DPP6: variants seen among roughly 807,000 people sequenced by gnomAD.
The protein encoded by DPP6 is A-type potassium channel modulatory protein DPP6.
In DPP6, 69 loss-of-function variants were observed where a neutral mutation model predicts 122.6. That is an observed-to-expected ratio of 0.56 (90% CI 0.46 to 0.69). The LOEUF (loss-of-function observed/expected upper bound fraction) is 0.69, where lower values mean the gene tolerates loss of function less well. Ranked by LOEUF, DPP6 falls within the 30% of genes least tolerant of loss-of-function variation. DPP6 has a pLI of 0.00. For synonymous variants in DPP6, 418 were observed against 433.1 expected, an observed-to-expected ratio of 0.97 and a Z score of 0.43; for missense variants, 928 against 1,116.9, an observed-to-expected ratio of 0.83 and a Z score of 2.41.
At chr7:153,949,194 T>C (rs1802090411) in intron 1 of DPP6, among the ~76,000 whole-genome samples, 1 of 152,164 alleles carries the variant, frequency 6.6e-6, no homozygotes, top group Non-Finnish European at 1.5e-5. Context: ...CTGATGGATG[T>C]CTGGAAGTGC....
intron 16 of DPP6, among the ~76,000 whole-genome samples, chr7:154,844,444 A>G (rs1801793929): frequency 6.6e-6 from 1 of 152,252 alleles, no homozygotes; most frequent in Admixed American, 6.5e-5. Flanking sequence ...TAGTCTGGCC[A>G]AAGTAGCACA....
intron 16 of DPP6, among the ~76,000 whole-genome samples, chr7:154,837,157 G>A (rs1801122006): frequency 6.8e-6 from 1 of 147,592 alleles, no homozygotes; most frequent in Non-Finnish European, 1.5e-5. Flanking sequence ...GCACACACAT[G>A]CACACAAACA....
At chr7:153,842,986 G>A in the DPP6 span, among the ~76,000 whole-genome samples, 6 of 152,136 alleles carry the variant, frequency 3.9e-5, no homozygotes, top group Admixed American at 3.9e-4. Context: ...ATGTGTGCAT[G>A]TGTGTGTGCA....
intron 1 of DPP6, among the ~76,000 whole-genome samples, chr7:154,322,133 C>T (rs1199842365): frequency 6.6e-6 from 1 of 151,478 alleles, no homozygotes; most frequent in Non-Finnish European, 1.5e-5. Context: ...GAAAGGCCCA[C>T]GGAAGGACTC....
intron 1 of DPP6, among the ~76,000 whole-genome samples, chr7:154,299,805 ATTCG>A (rs1805785700): frequency 6.6e-6 from 1 of 152,192 alleles, no homozygotes; most frequent in Non-Finnish European, 1.5e-5. Flanking sequence ...ATTAAATGAT[ATTCG>A]AAGCAAAGCG....
At chr7:153,912,109 C>A (rs75588641) in intron 1 of DPP6, among the ~76,000 whole-genome samples, 7,274 of 150,144 alleles carry the variant, frequency 0.048, 265 homozygotes, top group East Asian at 0.17. Context: ...TAATTTCTGC[C>A]AAAAAAAAAT....
intron 1 of DPP6, among the ~76,000 whole-genome samples, chr7:154,023,318 G>GCACGCGCGCACACACA (rs373378162): frequency 9.3e-5 from 12 of 129,616 alleles, no homozygotes; most frequent in African/African-American, 3.5e-4. Flanking sequence ...TTTCTTGTCT[G>GCACGCGCGCACACACA]CACACACACA....
intron 1 of DPP6, among the ~76,000 whole-genome samples, chr7:154,141,916 A>G (rs1203509984): frequency 6.6e-6 from 1 of 152,190 alleles, no homozygotes; most frequent in Non-Finnish European, 1.5e-5. Flanking sequence ...ATACATTTGA[A>G]TATGATTTAC....
Position 154,893,053 on chromosome 7 carries a change from G to A in DPP6, c.*573G>A. The A allele has an allele frequency of 2.2e-6, 1 of 453,676 alleles. No individual in the cohort carries two copies. The allele number at this position is 453,676 out of a possible 1,614,324, so 28.1% of individuals were successfully genotyped here. A position where few individuals can be genotyped will look rare whatever the true frequency, so the allele number is the denominator to read the frequency against. ...CTGTACAGAGTCTTACTGTAGCTAC[G>A]CTAATGGTTAACCTGATAGAATTAA... On this transcript the variant is annotated 3_prime_UTR_variant, in exon 26 of 26. Coordinates refer to ENST00000377770, the MANE Select transcript of DPP6 (RefSeq NM_130797.4).
intron 1 of DPP6, among the ~76,000 whole-genome samples, chr7:154,089,820 A>T (rs981874609): frequency 2.0e-5 from 3 of 151,892 alleles, no homozygotes; most frequent in Non-Finnish European, 4.4e-5. Context: ...CGAGACTTTA[A>T]TCATTATCAG....
the DPP6 span, among the ~76,000 whole-genome samples, chr7:153,772,871 C>CT: frequency 1.4e-5 from 2 of 143,328 alleles, no homozygotes. Context: ...TTTCTTGTTT[C>CT]TTTTATATTA....
At chr7:154,371,926 C>T (rs1247994927) in intron 1 of DPP6, among the ~76,000 whole-genome samples, 2 of 152,058 alleles carry the variant, frequency 1.3e-5, no homozygotes, top group African/African-American at 4.8e-5. Flanking sequence ...CCAGAGGGGC[C>T]GTCGTCCTGG....
At chr7:154,640,049 T>A (rs1291541653) in intron 6 of DPP6, among the ~76,000 whole-genome samples, 1 of 152,170 alleles carries the variant, frequency 6.6e-6, no homozygotes, top group East Asian at 1.9e-4. Flanking sequence ...GTCAGGAGTT[T>A]GAGACCAGCC....
chr7:154,406,443 A>G (rs974495622), intron 1 of DPP6, among the ~76,000 whole-genome samples: 2 of 148,642 alleles, frequency 1.3e-5, no homozygotes, highest in Non-Finnish European at 3.0e-5. Flanking sequence ...ACACACACAC[A>G]CACACGCACA....
chr7:154,065,583 C>G (rs1489984752), intron 1 of DPP6, among the ~76,000 whole-genome samples: 1 of 151,790 alleles, frequency 6.6e-6, no homozygotes, highest in Non-Finnish European at 1.5e-5. Context: ...GCAGTTACAC[C>G]ATGGCCTTAG....
At chr7:154,414,285 T>G (rs2151212916) in intron 1 of DPP6, among the ~76,000 whole-genome samples, 1 of 152,354 alleles carries the variant, frequency 6.6e-6, no homozygotes, top group Admixed American at 6.5e-5. Flanking sequence ...TCTTTTCAGC[T>G]TTTGAGTTTC....
In DPP6 at chr7:154,254,122, T is replaced by G. The variant is rs187022691; in HGVS notation, c.244-192092T>G. Among the ~76,000 whole-genome samples, 185 of 152,340 alleles carry G rather than the reference T, an allele frequency of 1.2e-3. 1 individual carries two copies. The highest frequency in any genetic ancestry group is 4.2e-3 in the African/African-American group (175 of 41,588). ...TTTGGGTGGGGACACACAGCCAAAC[T>G]GTATCAACCACATTTATTTATCACA... On this transcript the variant is annotated intron_variant, in intron 1 of 25. Transcript: ENST00000377770.
chr7:154,590,258 G>A (rs1447595049), intron 5 of DPP6, among the ~76,000 whole-genome samples: 1 of 152,124 alleles, frequency 6.6e-6, no homozygotes, highest in Non-Finnish European at 1.5e-5. Flanking sequence ...TCCCAAGAAA[G>A]CACCTTGGGG....
intron 1 of DPP6, among the ~76,000 whole-genome samples, chr7:154,421,032 C>T (rs10256536): frequency 0.02 from 2,974 of 152,178 alleles, 115 homozygotes; most frequent in African/African-American, 0.068. Flanking sequence ...AAAAAATGTT[C>T]GTGAGCTCTG....
Sources: allele counts gnomAD v4.1 joint callset (sites outside exome capture counted in the v4.1 genomes callset), GRCh38; gene constraint gnomAD v4.1.1; transcripts MANE v1.5; gene names NCBI Gene and HGNC (gene_info 2026-07-23, HGNC 2026-07-21).